COL4A3: variants seen among roughly 807,000 people sequenced by gnomAD.
The protein encoded by COL4A3 is collagen type IV alpha 3 chain.
A neutral mutation model predicts 217.4 loss-of-function variants in COL4A3; 135 were observed. The ratio of observed to expected loss-of-function variants is 0.62; its 90% CI spans 0.54 to 0.72. The LOEUF is 0.72. Ranked by LOEUF, COL4A3 falls within the 30% of genes least tolerant of loss-of-function variation. The pLI, the probability that COL4A3 is intolerant of heterozygous loss-of-function variation, is 0.00. For synonymous variants in COL4A3, 690 were observed against 736.3 expected, an observed-to-expected ratio of 0.94 and a Z score of 1.02; for missense variants, 1,868 against 2,119.9, an observed-to-expected ratio of 0.88 and a Z score of 2.33.
rs776039489 is a variant in COL4A3 at position 227,280,507 on chromosome 2, C to A, written c.2291C>A (p.Ser764Tyr). Residue 764 changes from serine to tyrosine, a missense_variant, in exon 30 of 52, where the codon TCT becomes TAT. Ser to Tyr is a moderately radical substitution (Grantham distance 144). This residue lies in a region of COL4A3 where 1,503 missense variants were observed against 1,786.1 expected (regional missense o/e 0.84). Coordinates refer to ENST00000396578, the MANE Select transcript of COL4A3 (RefSeq NM_000091.5). Reference protein sequence around the residue: ...TPGFPGERGNSGEHGEIGLPG... With the variant: ...TPGFPGERGNYGEHGEIGLPG... ...GGTTTTCCAGGAGAAAGAGGCAATT[C>A]TGGGGAACATGGAGAAATTGGACTC... The A allele has an allele frequency of 5.6e-6, 9 of 1,614,110 alleles. No individual in the cohort carries two copies. In the Admixed American group the frequency reaches 1.5e-4, roughly 27 times the overall value.
In COL4A3 at chr2:227,191,796, T is replaced by C. The variant is rs559643647; in HGVS notation, c.87+26983T>C. Among the ~76,000 whole-genome samples, 1 of 152,360 alleles carries C rather than the reference T, an allele frequency of 6.6e-6. No individual in the cohort carries two copies. The highest frequency in any genetic ancestry group is 1.9e-4 in the East Asian group (1 of 5,188). ...AGGCTAAAAATAAAGATTTTTTTCA[T>C]AATTAGTTTCTGGAACGCTAATAAT... On this transcript the variant is annotated intron_variant, in intron 1 of 51. Transcript: ENST00000396578. The surrounding 1 kb of genome is among the most constrained non-coding windows in gnomAD (Gnocchi z 6.8).
intron 1 of COL4A3, among the ~76,000 whole-genome samples, chr2:227,203,775 A>G (rs1458491921): frequency 7.0e-6 from 1 of 142,392 alleles, no homozygotes; most frequent in Non-Finnish European, 1.6e-5. Context: ...GTGTATATAT[A>G]CATATATGTG....
rs557843571 is a variant in COL4A3 at position 227,274,335 on chromosome 2, C to T, written c.1927+1218C>T. On this transcript the variant is annotated intron_variant, in intron 26 of 51. Coordinates refer to ENST00000396578, the MANE Select transcript of COL4A3 (RefSeq NM_000091.5). Reference sequence around the variant, plus strand: ...CCTCTAAATCATTTTGTAGTGTCTTCCCTCATCAGTAAAACTTTTTGAGTG... The same window carrying T: ...CCTCTAAATCATTTTGTAGTGTCTTTCCTCATCAGTAAAACTTTTTGAGTG... Among the ~76,000 whole-genome samples, 73 of 152,124 alleles carry T rather than the reference C, an allele frequency of 4.8e-4. 1 individual carries two copies. The highest frequency in any genetic ancestry group is 1.7e-3 in the African/African-American group (71 of 41,522).
chr2:227,298,589 G>A, intron 42 of COL4A3, 93 bp from the exon 43 acceptor site: 2 of 1,545,162 alleles, frequency 1.3e-6, no homozygotes, highest in Non-Finnish European at 1.8e-6. Flanking sequence ...AATGCTAAGT[G>A]AAGGGTTTAT....
intron 1 of COL4A3, among the ~76,000 whole-genome samples, chr2:227,228,121 C>G (rs775764126): frequency 3.9e-5 from 6 of 152,196 alleles, no homozygotes; most frequent in Non-Finnish European, 8.8e-5. Flanking sequence ...CATGTCTAGA[C>G]TAGTGATGTG....
intron 1 of COL4A3, among the ~76,000 whole-genome samples, chr2:227,203,394 TATGTGTATAC>T (rs1277703867): frequency 3.4e-5 from 2 of 58,788 alleles, no homozygotes; most frequent in Admixed American, 2.0e-4. Flanking sequence ...TATGTGTATA[TATGTGTATAC>T]ATACATATAT....
intron 8 of COL4A3, among the ~76,000 whole-genome samples, chr2:227,247,877 T>C (rs2069446079): frequency 6.6e-6 from 1 of 152,146 alleles, no homozygotes; most frequent in Non-Finnish European, 1.5e-5. Context: ...GGGCAGGGAT[T>C]GTCACTATTT....
intron 31 of COL4A3, 24 bp downstream of exon 31, chr2:227,281,030 GC>G: frequency 6.9e-7 from 1 of 1,443,642 alleles, no homozygotes; most frequent in Non-Finnish European, 9.5e-7. Context: ...CTCAAAACTG[GC>G]CACCAGAAGG....
intron 26 of COL4A3, among the ~76,000 whole-genome samples, chr2:227,274,905 T>C (rs1329979949): frequency 6.6e-6 from 1 of 152,226 alleles, no homozygotes; most frequent in Non-Finnish European, 1.5e-5. Context: ...AGAATGGTTT[T>C]CACATTTTCA....
At chr2:227,294,756 T>C (rs1325841292) in intron 39 of COL4A3, among the ~76,000 whole-genome samples, 186 bp downstream of exon 39, 1 of 152,170 alleles carries the variant, frequency 6.6e-6, no homozygotes, top group East Asian at 1.9e-4. Flanking sequence ...TGGCAACCTA[T>C]TCCAAACTGA....
intron 22 of COL4A3, 36 bp downstream of exon 22, chr2:227,266,545 C>T: frequency 6.7e-7 from 1 of 1,491,908 alleles, no homozygotes; most frequent in Non-Finnish European, 9.3e-7. Context: ...TAGGATAAGC[C>T]TTTTTCATCG....
At chr2:227,168,494 G>A (rs1210228553) in intron 1 of COL4A3, among the ~76,000 whole-genome samples, 1 of 152,084 alleles carries the variant, frequency 6.6e-6, no homozygotes, top group Non-Finnish European at 1.5e-5. Context: ...TTGCCTTTTT[G>A]TTGCTAATTA....
intron 13 of COL4A3, 63 bp from the exon 14 acceptor site, chr2:227,254,049 C>T: frequency 6.9e-7 from 1 of 1,451,406 alleles, no homozygotes; most frequent in Non-Finnish European, 9.7e-7. Flanking sequence ...ATTTGTCCCA[C>T]TGTTGAATCA....
chr2:227,271,068 C>A (rs1291899545), intron 25 of COL4A3, 116 bp downstream of exon 25: 5 of 861,762 alleles, frequency 5.8e-6, no homozygotes, highest in African/African-American at 1.7e-5. Flanking sequence ...ACTCTAACTG[C>A]AGAATGAAAC....
At chr2:227,295,093 A>C in intron 40 of COL4A3, 31 bp downstream of exon 40, 1 of 1,595,576 alleles carries the variant, frequency 6.3e-7, no homozygotes, top group Non-Finnish European at 8.6e-7. Flanking sequence ...TTGATCCGTT[A>C]GTTTTATTTT....
intron 1 of COL4A3, among the ~76,000 whole-genome samples, chr2:227,206,501 A>G (rs189746900): frequency 6.6e-6 from 1 of 152,344 alleles, no homozygotes; most frequent in East Asian, 1.9e-4. Flanking sequence ...AAGGAAGGAC[A>G]GCAGGAAGAG....
At chr2:227,209,774 G>A (rs551437234) in intron 1 of COL4A3, among the ~76,000 whole-genome samples, 11 of 152,292 alleles carry the variant, frequency 7.2e-5, no homozygotes, top group African/African-American at 2.2e-4. Context: ...CCTGGGAGGC[G>A]GAGGTTGCAG....
intron 1 of COL4A3, among the ~76,000 whole-genome samples, chr2:227,166,009 G>A (rs111649842): frequency 4.4e-4 from 67 of 152,140 alleles, no homozygotes; most frequent in African/African-American, 1.6e-3. Flanking sequence ...GTTTTTGTTG[G>A]CCTTTTAACA....
At chr2:227,216,712 A>T (rs1217838787) in intron 1 of COL4A3, among the ~76,000 whole-genome samples, 1 of 152,234 alleles carries the variant, frequency 6.6e-6, no homozygotes, top group Non-Finnish European at 1.5e-5. Context: ...GCATCACTCA[A>T]CAAATATTTC....
Sources: allele counts gnomAD v4.1 joint callset (sites outside exome capture counted in the v4.1 genomes callset), GRCh38; gene constraint gnomAD v4.1.1; regional missense constraint gnomAD v4.1.1; non-coding constraint Gnocchi (gnomAD v3.1); transcripts MANE v1.5; gene names NCBI Gene and HGNC (gene_info 2026-07-23, HGNC 2026-07-21).